CATSPERG: variants seen among roughly 807,000 people sequenced by gnomAD.
CATSPERG encodes the protein cation channel sperm-associated auxiliary subunit gamma.
CATSPERG carries 115 observed loss-of-function variants against 145.0 expected under a neutral mutation model. The observed-to-expected ratio is 0.79, with a 90% CI of 0.68 to 0.93. The LOEUF (loss-of-function observed/expected upper bound fraction) is 0.93. Among genes scored for constraint, CATSPERG ranks in the 40% least tolerant of loss-of-function variants. The probability of loss-of-function intolerance (pLI) is 0.00; values close to 1 mark genes in which losing one functional copy is unlikely to be tolerated. For synonymous variants in CATSPERG, 588 were observed against 589.0 expected (o/e 1.00, Z 0.02); for missense variants, 1,296 against 1,490.1 (o/e 0.87, Z 2.14).
chr19:38,339,943 C>G (rs1272431742), intron 3 of CATSPERG, among the ~76,000 whole-genome samples: 2 of 151,356 alleles, frequency 1.3e-5, no homozygotes, highest in Non-Finnish European at 2.9e-5. Context: ...CAACCTCCCC[C>G]TCCCAGGTTC....
chr19:38,352,598 T>A, intron 8 of CATSPERG, 166 bp downstream of exon 8: 1 of 225,486 alleles, frequency 4.4e-6, no homozygotes, highest in Non-Finnish European at 8.5e-6. Flanking sequence ...CCTTGCCCTT[T>A]TTTTTTTTTT....
chr19:38,357,717 C>T (rs1030834903), intron 11 of CATSPERG, among the ~76,000 whole-genome samples: 5 of 152,230 alleles, frequency 3.3e-5, no homozygotes, highest in East Asian at 1.9e-4. Context: ...TCTGGGAGGC[C>T]GAGGCGGGGG....
At chr19:38,360,068 T>A (rs1162921561) in intron 14 of CATSPERG, 3 of 984,598 alleles carry the variant, frequency 3.0e-6, no homozygotes, top group African/African-American at 3.5e-5. Flanking sequence ...AAGGTTCCCT[T>A]CAGATGTGTA....
intron 7 of CATSPERG, chr19:38,349,264 T>G (rs960155608): frequency 6.6e-6 from 1 of 152,196 alleles, no homozygotes; most frequent in Admixed American, 6.5e-5. Context: ...CCCTAGTAGC[T>G]GGGACTACAG....
intron 9 of CATSPERG, among the ~76,000 whole-genome samples, chr19:38,355,300 G>T (rs1318682905): frequency 2.6e-5 from 4 of 152,012 alleles, no homozygotes; most frequent in Non-Finnish European, 4.4e-5. Context: ...AGCCGAGATT[G>T]CACCACTGCA....
intron 6 of CATSPERG, among the ~76,000 whole-genome samples, chr19:38,345,010 A>G (rs1292007621): frequency 6.8e-6 from 1 of 147,496 alleles, no homozygotes; most frequent in Admixed American, 6.9e-5. Context: ...GGGCTCAAGC[A>G]ATACTCCCAC....
At chr19:38,365,336 G>C (rs1053387392) in intron 22 of CATSPERG, 19 of 540,746 alleles carry the variant, frequency 3.5e-5, no homozygotes, top group Non-Finnish European at 5.9e-5. Flanking sequence ...GGAGTGCGGC[G>C]GCGCGGTCTT....
chr19:38,367,884 C>T lies in CATSPERG; in HGVS notation c.2930+108C>T, dbSNP rs568300786. 141 of 1,221,270 alleles carry T rather than the reference C, an allele frequency of 1.2e-4. No individual in the cohort carries two copies. The African/African-American group carries it at 1.8e-3, about 16-fold the overall frequency. The allele number at this position is 1,221,270 out of a possible 1,614,324, so 75.7% of individuals were successfully genotyped here. A position where few individuals can be genotyped will look rare whatever the true frequency, so the allele number is the denominator to read the frequency against. On this transcript the variant is annotated intron_variant, in intron 25 of 28. Coordinates refer to ENST00000409235, the MANE Select transcript of CATSPERG (RefSeq NM_021185.5). ...AGCCCCCACCTCTGCGTCTCAGGCC[C>T]TGCCCACAGTGGGGCTCTTAGGATC...
Position 38,367,853 on chromosome 19 carries a change from C to T in CATSPERG, c.2930+77C>T, listed in dbSNP as rs563926175. 68 of 1,385,656 alleles carry T rather than the reference C, an allele frequency of 4.9e-5. 1 individual carries two copies. In the Middle Eastern group the frequency reaches 8.2e-4, roughly 17 times the overall value. 85.8% of individuals were successfully genotyped at this position (1,385,656 alleles called of 1,614,324 possible). A position where few individuals can be genotyped will look rare whatever the true frequency, so the allele number is the denominator to read the frequency against. On this transcript the variant is annotated intron_variant, in intron 25 of 28. Transcript: ENST00000409235. ...TTTCCCACTTCCAAGCCAAGCCCACCTCGCAAGCCCCCACCTCTGCGTCTC... is the reference window on the plus strand; with the variant it reads ...TTTCCCACTTCCAAGCCAAGCCCACTTCGCAAGCCCCCACCTCTGCGTCTC...
At chr19:38,336,429 A>T in intron 1 of CATSPERG, 3 of 319,964 alleles carry the variant, frequency 9.4e-6, no homozygotes, top group South Asian at 4.6e-5. Context: ...CATAAAGACC[A>T]AGTGGAGGAG....
At chr19:38,356,999 G>A in intron 11 of CATSPERG, 138 bp downstream of exon 11, 8 of 1,122,722 alleles carry the variant, frequency 7.1e-6, no homozygotes, top group Non-Finnish European at 8.9e-6. Flanking sequence ...TTGAGGAGTA[G>A]CAGTGGAGAA....
intron 3 of CATSPERG, among the ~76,000 whole-genome samples, chr19:38,339,357 G>C (rs12462356): frequency 0.11 from 17,028 of 152,174 alleles, 1,385 homozygotes; most frequent in East Asian, 0.4. Flanking sequence ...TATGGTGCAT[G>C]ATGGTAGGCT....
chr19:38,337,221 G>T lies in CATSPERG; in HGVS notation c.-14G>T, dbSNP rs1200939423. ...GGGTGTTGACTCCTGCGTTCTCCAGGTTCTAGCCACGTTATGTGCGGCCCA... is the reference window on the plus strand; with the variant it reads ...GGGTGTTGACTCCTGCGTTCTCCAGTTTCTAGCCACGTTATGTGCGGCCCA... On this transcript the variant is annotated splice_region_variant and 5_prime_UTR_variant, in exon 2 of 29. Coordinates refer to ENST00000409235, the MANE Select transcript of CATSPERG (RefSeq NM_021185.5). 2 of 1,550,306 alleles carry T rather than the reference G, an allele frequency of 1.3e-6. No individual in the cohort carries two copies. Among genetic ancestry groups the T allele is most frequent in the Non-Finnish European group, 8.7e-7 (1 of 1,146,548 alleles).
chr19:38,357,192 A>G (rs1225508340), intron 11 of CATSPERG, among the ~76,000 whole-genome samples: 3 of 152,120 alleles, frequency 2.0e-5, no homozygotes, highest in Non-Finnish European at 4.4e-5. Context: ...CCTCTCAGGC[A>G]GTGCCTTTTT....
rs138939969 is a variant in CATSPERG at position 38,368,121 on chromosome 19, G to A, written c.3004G>A (p.Glu1002Lys). 916 of 1,613,972 alleles carry A rather than the reference G, an allele frequency of 5.7e-4. 7 individuals carry two copies. The highest frequency in any genetic ancestry group is 6.5e-4 in the Non-Finnish European group (768 of 1,180,036). Reference sequence around the variant, plus strand: ...CTCAGCCTTTCACATCATGTCCCACGAGAGCCCAGGCATCGAGTGAGTGCG... The same window carrying A: ...CTCAGCCTTTCACATCATGTCCCACAAGAGCCCAGGCATCGAGTGAGTGCG... ...KDSAFHIMSH[E>K]SPGIEWLCLE... Residue 1002 changes from glutamate (E) to lysine (K), a missense_variant, in exon 26 of 29, where the codon GAG becomes AAG. By Grantham distance (56) the Glu-to-Lys change is moderately conservative. Coordinates refer to ENST00000409235, the MANE Select transcript of CATSPERG (RefSeq NM_021185.5).
In CATSPERG at chr19:38,367,580, C is replaced by A; in HGVS notation, c.2834+8C>A. ...CGGCAGTTTCCAGGGCAGGTAAAGG[C>A]GTGGCCAGCTTGCAGCTAGGGCAGG... On this transcript the variant is annotated splice_region_variant and intron_variant, in intron 24 of 28. Transcript: ENST00000409235. 1 of 1,613,862 alleles carries A rather than the reference C, an allele frequency of 6.2e-7. No individual in the cohort carries two copies. Among genetic ancestry groups the A allele is most frequent in the South Asian group, 1.1e-5 (1 of 91,076 alleles).
Position 38,370,273 on chromosome 19 carries a change from G to A in CATSPERG, c.3213+15G>A, listed in dbSNP as rs759561696. On this transcript the variant is annotated intron_variant, in intron 28 of 28. Coordinates refer to ENST00000409235, the MANE Select transcript of CATSPERG (RefSeq NM_021185.5). ...TCATCATCATGGTGAGTGGCTGTCC[G>A]GGAGCTGCCCTACTGGGTGGGCAGG... is the stretch of plus-strand genomic sequence containing the variant. 18 of 1,610,066 alleles carry A rather than the reference G, an allele frequency of 1.1e-5. No individual in the cohort carries two copies. The highest frequency in any genetic ancestry group is 9.3e-5 in the African/African-American group (7 of 74,964).
At chr19:38,354,084 G>C (rs796909330) in intron 8 of CATSPERG, among the ~76,000 whole-genome samples, 8 of 150,000 alleles carry the variant, frequency 5.3e-5, no homozygotes, top group African/African-American at 1.7e-4. Context: ...TCAGCTTACA[G>C]AGTCACTGGA....
intron 7 of CATSPERG, 146 bp downstream of exon 7, chr19:38,346,751 C>T: frequency 1.4e-6 from 1 of 717,834 alleles, no homozygotes; most frequent in South Asian, 2.9e-5. Flanking sequence ...AGAAAAAACA[C>T]AAGATTCTAC....
Sources: gnomAD v4.1 joint callset for allele counts (sites outside exome capture counted in the v4.1 genomes callset) on GRCh38, gnomAD v4.1.1 for gene constraint, MANE v1.5 for transcripts, NCBI Gene and HGNC (gene_info 2026-07-23, HGNC 2026-07-21) for gene names.